Variants in RRP1B observed in about 807,000 individuals in gnomAD.
RRP1B encodes ribosomal RNA processing protein 1 homolog B.
In RRP1B, 56 loss-of-function variants were observed where a neutral mutation model predicts 80.2. The ratio of observed to expected loss-of-function variants is 0.70; its 90% CI spans 0.56 to 0.87. The LOEUF (loss-of-function observed/expected upper bound fraction) is 0.87. Among genes scored for constraint, RRP1B ranks in the 40% least tolerant of loss-of-function variants. The pLI, the probability that RRP1B is intolerant of heterozygous loss-of-function variation, is 0.00. For missense variants in RRP1B, 807 were observed against 939.8 expected (o/e 0.86, Z 1.85); for synonymous variants, 351 against 357.6 (o/e 0.98, Z 0.21).
Position 43,687,624 on chromosome 21 carries a change from G to T in RRP1B, c.1250G>T (p.Gly417Val), listed in dbSNP as rs765281583. 4.6e-6 allele frequency: 7 copies of T among 1,536,994 alleles called. No homozygotes were observed. In the South Asian group the frequency reaches 7.6e-5, roughly 17 times the overall value. ...HHLQPENPGP[G>V]GAAPSLEQNR... ...CTGCAGCCTGAAAATCCAGGCCCAG[G>T]GGGTGCAGCCCCATCCCTGGAACAG... Residue 417 changes from glycine (G) to valine (V), a missense_variant, in exon 13 of 16, where the codon GGG becomes GTG. By Grantham distance (109) the Gly-to-Val change is moderately radical. Coordinates refer to ENST00000340648, the MANE Select transcript of RRP1B (RefSeq NM_015056.3).
At chr21:43,678,993 A>G (rs975325311) in intron 8 of RRP1B, among the ~76,000 whole-genome samples, 6 of 152,080 alleles carry the variant, frequency 3.9e-5, no homozygotes, top group African/African-American at 1.4e-4. Context: ...TTACCCCAGC[A>G]CCATTTTTGA....
At chr21:43,685,548 G>T (rs993470243) in intron 10 of RRP1B, among the ~76,000 whole-genome samples, 1 of 152,184 alleles carries the variant, frequency 6.6e-6, no homozygotes, top group Non-Finnish European at 1.5e-5. Flanking sequence ...GTAACCGAGG[G>T]CGGCACTGGC....
chr21:43,692,320 G>A (rs529748801), intron 15 of RRP1B, among the ~76,000 whole-genome samples: 51 of 152,266 alleles, frequency 3.3e-4, no homozygotes, highest in Admixed American at 7.2e-4. Flanking sequence ...AGTAGTATAG[G>A]CCAGGCGCGG....
At chr21:43,688,859 G>A (rs2083075087) in intron 13 of RRP1B, among the ~76,000 whole-genome samples, 3 of 152,094 alleles carry the variant, frequency 2.0e-5, no homozygotes, top group Non-Finnish European at 4.4e-5. Flanking sequence ...GCACAATCTC[G>A]GCTCACTGCA....
At chr21:43,666,563 C>T (rs1195320618) in intron 1 of RRP1B, among the ~76,000 whole-genome samples, 5 of 152,072 alleles carry the variant, frequency 3.3e-5, no homozygotes, top group African/African-American at 1.2e-4. Context: ...TTAAAAACTA[C>T]AAAACTTAGC....
chr21:43,672,426 A>G (rs528841857), intron 3 of RRP1B, 61 bp downstream of exon 3: 11 of 1,393,296 alleles, frequency 7.9e-6, no homozygotes, highest in Non-Finnish European at 1.0e-5. Context: ...TTTAATGGGA[A>G]CCTTGTGCCG....
rs541918604 is a variant in RRP1B, at chr21:43,676,848, C to G, written c.730C>G (p.Leu244Val). 36 of 1,614,210 alleles carry G rather than the reference C, an allele frequency of 2.2e-5. No individual in the cohort carries two copies. Among genetic ancestry groups the G allele is most frequent in the Middle Eastern group, 3.3e-4 (2 of 6,062 alleles). Residue 244 changes from leucine to valine, a missense_variant, in exon 8 of 16, where the codon CTC (leucine) becomes GTC (valine). Coordinates refer to ENST00000340648, the MANE Select transcript of RRP1B (RefSeq NM_015056.3). ...EQKTKVGDGD[L>V]SAEEIPENEV... ...GAAGACAAAAGTGGGTGATGGTGAC[C>G]TCTCTGCTGAGGAGATACCTGAAAA...
At chr21:43,685,929 C>T (rs1398698525) in intron 11 of RRP1B, 140 bp downstream of exon 11, 2 of 1,110,540 alleles carry the variant, frequency 1.8e-6, no homozygotes, top group African/African-American at 3.3e-5. Context: ...GTCCCTAGCC[C>T]AGGCAAAATA....
At position 43,672,300 on chromosome 21, in the gene RRP1B, C is replaced by A; in HGVS notation, c.214-8C>A. ...CCCCCATGTTTCTCCCCAACCCCGC[C>A]TCTGCAGGAAGAGCTCGCCAACACC... On this transcript the variant is annotated splice_polypyrimidine_tract_variant and splice_region_variant and intron_variant, in intron 2 of 15. Transcript: ENST00000340648. 6.2e-7 allele frequency: 1 copy of A among 1,614,102 alleles called. No individual in the cohort carries two copies. The highest frequency in any genetic ancestry group is 8.5e-7 in the Non-Finnish European group (1 of 1,179,958).
intron 10 of RRP1B, among the ~76,000 whole-genome samples, chr21:43,685,003 C>G (rs1037745996): frequency 1.3e-5 from 2 of 152,142 alleles, no homozygotes; most frequent in Admixed American, 6.6e-5. Flanking sequence ...TTCTTTACCT[C>G]TCCCCTCCCT....
chr21:43,676,623 G>A, intron 7 of RRP1B, 110 bp from the exon 8 acceptor site: 1 of 1,030,776 alleles, frequency 9.7e-7, no homozygotes, highest in Non-Finnish European at 1.4e-6. Flanking sequence ...GCCCGTGGGG[G>A]CCACTCCAGA....
At chr21:43,681,014 C>T (rs11089091) in intron 8 of RRP1B, among the ~76,000 whole-genome samples, 5 of 152,212 alleles carry the variant, frequency 3.3e-5, no homozygotes, top group East Asian at 1.9e-4. Context: ...CCCAGGCAGT[C>T]GGATAACTTG....
chr21:43,665,283 C>G (rs1208390476), intron 1 of RRP1B, among the ~76,000 whole-genome samples: 1 of 152,312 alleles, frequency 6.6e-6, no homozygotes, highest in South Asian at 2.1e-4. Flanking sequence ...AGGTCACACA[C>G]ACAACTGTGC....
chr21:43,680,505 A>C (rs935441760), intron 8 of RRP1B, among the ~76,000 whole-genome samples: 2 of 151,994 alleles, frequency 1.3e-5, no homozygotes. Flanking sequence ...CGGAGGTTGC[A>C]GTGAGCAGAG....
At position 43,659,740 on chromosome 21, in the gene RRP1B, C is replaced by T. The variant is rs1453181296; in HGVS notation, c.76C>T (p.Arg26Ter). Residue 26 changes from arginine to a stop codon, truncating the protein, a stop_gained, in exon 1 of 16, where the codon CGA (arginine) becomes TGA (stop). Coordinates refer to ENST00000340648, the MANE Select transcript of RRP1B (RefSeq NM_015056.3). LOFTEE classifies it high-confidence loss of function. The surrounding 1 kb of genome is among the most constrained non-coding windows in gnomAD (Gnocchi z 4.2). Reference sequence around the variant, plus strand: ...GTCCAGCGAGAAGGGCATCCGGGACCGAGCGGTGAAGAAGCTGCGCCAGTA... The same window carrying T: ...GTCCAGCGAGAAGGGCATCCGGGACTGAGCGGTGAAGAAGCTGCGCCAGTA... Reference protein sequence around the residue: ...LASSEKGIRDRAVKKLRQYIS... With the variant: ...LASSEKGIRD 1 of 1,531,282 alleles carries T rather than the reference C, an allele frequency of 6.5e-7. No homozygotes were observed. The highest frequency in any genetic ancestry group is 8.8e-7 in the Non-Finnish European group (1 of 1,137,590). 94.9% of individuals were successfully genotyped at this position (1,531,282 alleles called of 1,614,324 possible).
chr21:43,685,725 A>ATTTGTTAT, intron 10 of RRP1B, 45 bp from the exon 11 acceptor site: 1 of 1,347,676 alleles, frequency 7.4e-7, no homozygotes, highest in Non-Finnish European at 1.0e-6. Context: ...CTTTATGAAC[A>ATTTGTTAT]TTTGTTATTT....
intron 11 of RRP1B, 104 bp downstream of exon 11, chr21:43,685,893 C>A (rs776956285): frequency 3.6e-6 from 5 of 1,377,412 alleles, no homozygotes; most frequent in African/African-American, 2.9e-5. Context: ...AAGAACTTTA[C>A]TGAAAACCTC....
In RRP1B at chr21:43,659,763, G is replaced by C. The variant is rs1007833673; in HGVS notation, c.99G>C (p.Gln33His). Residue 33 changes from glutamine (Q) to histidine (H), a missense_variant, in exon 1 of 16, where the codon CAG becomes CAC. Physicochemically the swap from Gln to His is conservative, Grantham distance 24. Transcript: ENST00000340648. The surrounding 1 kb of genome is among the most constrained non-coding windows in gnomAD (Gnocchi z 4.2). ...IRDRAVKKLR[Q>H]YISVKTQRET... is the part of the protein sequence containing the mutation. The stretch of plus-strand genomic sequence containing the variant: ...ACCGAGCGGTGAAGAAGCTGCGCCA[G>C]TACATCAGCGTGAAGACGCAGAGGG... The C allele has an allele frequency of 6.6e-7, 1 of 1,521,834 alleles. No individual in the cohort carries two copies. Among genetic ancestry groups the C allele is most frequent in the East Asian group, 2.6e-5 (1 of 37,748 alleles). The allele number at this position is 1,521,834 out of a possible 1,614,324, so 94.3% of individuals were successfully genotyped here.
chr21:43,668,982 G>A (rs973756998), intron 1 of RRP1B, among the ~76,000 whole-genome samples: 11 of 152,188 alleles, frequency 7.2e-5, no homozygotes, highest in Non-Finnish European at 1.6e-4. Context: ...AAGGCTGAAC[G>A]AGACTGGTCA....
Sources: gnomAD v4.1 joint callset for allele counts (sites outside exome capture counted in the v4.1 genomes callset) on GRCh38, gnomAD v4.1.1 for gene constraint, Gnocchi (gnomAD v3.1) non-coding constraint, MANE v1.5 for transcripts, NCBI Gene and HGNC (gene_info 2026-07-23, HGNC 2026-07-21) for gene names.